FRYL: variants seen among roughly 807,000 people sequenced by gnomAD.
FRYL encodes the protein FRY like transcription coactivator, also known as protein furry homolog-like.
In FRYL, 150 loss-of-function variants were observed where a neutral mutation model predicts 351.2. The ratio of observed to expected loss-of-function variants is 0.43; its 90% CI spans 0.37 to 0.49. FRYL has a LOEUF of 0.49. FRYL is among the 20% of genes least tolerant of loss of function. The pLI is 0.00. For synonymous variants in FRYL, 1,153 were observed against 1,257.1 expected, an observed-to-expected ratio of 0.92 and a Z score of 1.75; for missense variants, 3,036 against 3,619.3, an observed-to-expected ratio of 0.84 and a Z score of 4.13.
chr4:48,574,673 T>G (rs1016170998), intron 25 of FRYL, among the ~76,000 whole-genome samples: 4 of 152,142 alleles, frequency 2.6e-5, no homozygotes, highest in African/African-American at 9.7e-5. Flanking sequence ...TTTGCTTCAT[T>G]AATATAAAAA....
chr4:48,540,303 C>T lies in FRYL; in HGVS notation c.6295+50G>A. 1.9e-6 allele frequency: 3 copies of T among 1,554,032 alleles called. No homozygotes were observed. The African/African-American group carries it at 4.1e-5, about 21-fold the overall frequency. On this transcript the variant is annotated intron_variant, in intron 46 of 63. Coordinates refer to ENST00000358350, the MANE Select transcript of FRYL (RefSeq NM_015030.2). The stretch of plus-strand genomic sequence containing the variant: ...GATTTCAAAACAAATGATTAGTTTA[C>T]ATTTTACTGCATAAAATGCAAAGTG...
rs1172499817 is a variant in FRYL at position 48,515,149 on chromosome 4, G to A, written c.7816C>T (p.Pro2606Ser). The A allele has an allele frequency of 1.9e-6, 3 of 1,613,950 alleles. No homozygotes were observed. The highest frequency in any genetic ancestry group is 2.5e-6 in the Non-Finnish European group (3 of 1,179,900). Residue 2606 changes from proline to serine, a missense_variant, in exon 56 of 64, where the codon CCA becomes TCA. By Grantham distance (74) the Pro-to-Ser change is moderately conservative. Around this residue, in one of 7 missense-constraint regions of FRYL, gnomAD observed 1,987 missense variants for 2,311.7 expected, o/e 0.86. Transcript: ENST00000358350. ...GILDLEETEM[P>S]EPLAPESYPE... ...TAACTTTCAGGAGCTAGAGGCTCTGGCATTTCAGTTTCTTCTAAATCAAGA... is the reference window on the plus strand; with the variant it reads ...TAACTTTCAGGAGCTAGAGGCTCTGACATTTCAGTTTCTTCTAAATCAAGA...
At chr4:48,505,930 T>C in intron 59 of FRYL, 1 of 235,210 alleles carries the variant, frequency 4.3e-6, no homozygotes, top group East Asian at 9.1e-5. Flanking sequence ...CTTTACAACC[T>C]ATGCCTGACC....
intron 24 of FRYL, among the ~76,000 whole-genome samples, chr4:48,575,450 G>C (rs1739398715): frequency 6.6e-6 from 1 of 152,050 alleles, no homozygotes; most frequent in Non-Finnish European, 1.5e-5. Context: ...ACAGAACTTG[G>C]GGCTCCTAAT....
chr4:48,651,737 T>C (rs780597890), intron 3 of FRYL, among the ~76,000 whole-genome samples: 5 of 152,220 alleles, frequency 3.3e-5, no homozygotes, highest in Non-Finnish European at 7.3e-5. Context: ...AGCTAACTAC[T>C]ATCCTTTTCT....
intron 1 of FRYL, among the ~76,000 whole-genome samples, chr4:48,777,993 C>T (rs1776206659): frequency 1.3e-5 from 2 of 152,016 alleles, no homozygotes; most frequent in South Asian, 4.1e-4. Flanking sequence ...GGAGACCAGC[C>T]GTCTATACGA....
intron 33 of FRYL, among the ~76,000 whole-genome samples, chr4:48,560,262 C>G (rs1735171935): frequency 6.6e-6 from 1 of 152,168 alleles, no homozygotes; most frequent in Admixed American, 6.5e-5. Flanking sequence ...CAGTAAAATT[C>G]TGAATGAATA....
chr4:48,681,964 G>A (rs562589170), intron 3 of FRYL, among the ~76,000 whole-genome samples: 4 of 152,234 alleles, frequency 2.6e-5, no homozygotes, highest in Admixed American at 6.5e-5. Flanking sequence ...TACAATAAAG[G>A]AATACCTACA....
intron 3 of FRYL, among the ~76,000 whole-genome samples, chr4:48,667,102 T>A (rs1298705646): frequency 1.3e-5 from 2 of 152,238 alleles, no homozygotes; most frequent in African/African-American, 4.8e-5. Flanking sequence ...TAATTTTTTT[T>A]AAAACAAAAC....
intron 48 of FRYL, among the ~76,000 whole-genome samples, chr4:48,535,431 A>G (rs1175208382): frequency 1.3e-5 from 2 of 152,128 alleles, no homozygotes; most frequent in Admixed American, 6.5e-5. Context: ...ACTTGATAGG[A>G]AGTAACTTAT....
chr4:48,634,901 G>A (rs772261068), intron 3 of FRYL, among the ~76,000 whole-genome samples: 11 of 152,236 alleles, frequency 7.2e-5, no homozygotes, highest in East Asian at 3.9e-4. Context: ...AAACAGGAAC[G>A]GGATTGGGGA....
At chr4:48,708,592 A>G (rs1767643380) in intron 2 of FRYL, among the ~76,000 whole-genome samples, 1 of 152,218 alleles carries the variant, frequency 6.6e-6, no homozygotes, top group African/African-American at 2.4e-5. Context: ...CATTTATATT[A>G]TACCATTTAT....
At chr4:48,659,210 G>A (rs1313146604) in intron 3 of FRYL, among the ~76,000 whole-genome samples, 1 of 151,492 alleles carries the variant, frequency 6.6e-6, no homozygotes, top group Non-Finnish European at 1.5e-5. Context: ...AATTAGCCAG[G>A]CATAGTGGTG....
chr4:48,528,365 G>T, intron 50 of FRYL, 29 bp from the exon 51 acceptor site: 2 of 1,558,682 alleles, frequency 1.3e-6, no homozygotes, highest in Non-Finnish European at 1.7e-6. Context: ...TCAGTGTTTG[G>T]CTCAAATATT....
chr4:48,744,704 T>C (rs185207473), intron 1 of FRYL, among the ~76,000 whole-genome samples: 1 of 152,334 alleles, frequency 6.6e-6, no homozygotes, highest in Admixed American at 6.5e-5. Flanking sequence ...GGGATAACTT[T>C]AACTGTTTTA....
rs372246510 is a variant in FRYL, at chr4:48,745,404, C to T, written c.-384+34674G>A. Among the ~76,000 whole-genome samples the T allele has an allele frequency of 5.8e-4, 89 of 152,210 alleles. 3 individuals are homozygous for T. Among genetic ancestry groups the T allele is most frequent in the South Asian group, 2.7e-3 (13 of 4,820 alleles). On this transcript the variant is annotated intron_variant, in intron 1 of 63. Transcript: ENST00000358350. ...TTAAGAAAATGTGGCACATATACACCGTGGAATACTATGCAGCCATAAAAA... is the reference window on the plus strand; with the variant it reads ...TTAAGAAAATGTGGCACATATACACTGTGGAATACTATGCAGCCATAAAAA...
rs376582680 is a variant in FRYL at position 48,540,484 on chromosome 4, T to C, written c.6164A>G (p.Asn2055Ser). 9 of 1,614,064 alleles carry C rather than the reference T, an allele frequency of 5.6e-6. No individual in the cohort carries two copies. Among genetic ancestry groups the C allele is most frequent in the South Asian group, 2.2e-5 (2 of 91,086 alleles). The change falls in exon 46 of 64, where the codon AAT (asparagine) becomes AGT (serine). Residue 2055 changes from asparagine to serine, a missense_variant. Asn to Ser is a conservative substitution (Grantham distance 46). This residue lies in a region of FRYL where 1,987 missense variants were observed against 2,311.7 expected (regional missense o/e 0.86). Coordinates refer to ENST00000358350, the MANE Select transcript of FRYL (RefSeq NM_015030.2). Reference protein sequence around the residue: ...ENVQSKLKWTNFPGLQQLFLK... With the variant: ...ENVQSKLKWTSFPGLQQLFLK... The stretch of plus-strand genomic sequence containing the variant: ...GAAGAGCTGCTGAAGTCCTGGAAAA[T>C]TAGTCCATTTCAATTTGCTTTGTAC...
chr4:48,556,320 T>A (rs1032519114), intron 35 of FRYL, among the ~76,000 whole-genome samples: 2 of 152,266 alleles, frequency 1.3e-5, no homozygotes, highest in African/African-American at 4.8e-5. Flanking sequence ...TGTGTCCATT[T>A]AACCCTCAGG....
At chr4:48,752,154 T>C (rs1275358135) in intron 1 of FRYL, among the ~76,000 whole-genome samples, 1 of 152,140 alleles carries the variant, frequency 6.6e-6, no homozygotes, top group South Asian at 2.1e-4. Context: ...GATGTGGAGG[T>C]GCACCACTCA....
Sources: allele counts gnomAD v4.1 joint callset (sites outside exome capture counted in the v4.1 genomes callset), GRCh38; gene constraint gnomAD v4.1.1; regional missense constraint gnomAD v4.1.1; transcripts MANE v1.5; gene names NCBI Gene and HGNC (gene_info 2026-07-23, HGNC 2026-07-21).